The following ZNF611 variants were observed in gnomAD, a reference collection of about 807,000 sequenced individuals.
The protein encoded by ZNF611 is zinc finger protein 611.
Under a neutral mutation model 8.9 loss-of-function variants are expected in ZNF611, and 6 were observed. That is an observed-to-expected ratio of 0.68 (90% confidence interval 0.37 to 1.34). The LOEUF (loss-of-function observed/expected upper bound fraction) is 1.34. Ranked by LOEUF, ZNF611 falls within the 40% of genes most tolerant of loss-of-function variation. ZNF611 has a pLI of 0.02. For missense variants in ZNF611, 874 were observed against 841.3 expected, an observed-to-expected ratio of 1.04 and a Z score of -0.48; for synonymous variants, 262 against 279.7, an observed-to-expected ratio of 0.94 and a Z score of 0.63.
intron 3 of ZNF611, among the ~76,000 whole-genome samples, chr19:52,719,067 G>A (rs2062337039): frequency 6.6e-6 from 1 of 152,060 alleles, no homozygotes; most frequent in South Asian, 2.1e-4. Context: ...CTGCTTGGGA[G>A]GCTGAGGCAG....
At chr19:52,726,315 G>C (rs569992940) in intron 3 of ZNF611, among the ~76,000 whole-genome samples, 79 of 152,264 alleles carry the variant, frequency 5.2e-4, no homozygotes, top group Admixed American at 1.1e-3. Context: ...CGGGAGAATC[G>C]CTGAACCTGG....
At chr19:52,726,058 C>T (rs866160318) in intron 3 of ZNF611, among the ~76,000 whole-genome samples, 1 of 152,206 alleles carries the variant, frequency 6.6e-6, no homozygotes, top group Non-Finnish European at 1.5e-5. Context: ...CTGGGCGGAA[C>T]ATACGATTTC....
intron 1 of ZNF611, among the ~76,000 whole-genome samples, chr19:52,731,281 G>C (rs972484517): frequency 6.6e-6 from 1 of 152,162 alleles, no homozygotes; most frequent in African/African-American, 2.4e-5. Context: ...AGGCCAGGCT[G>C]GTCTCAAACT....
In ZNF611 at chr19:52,706,419, G is replaced by A. The variant is rs1293044343; in HGVS notation, c.636C>T (p.Pro212=). The A allele has an allele frequency of 6.2e-7, 1 of 1,614,028 alleles. No homozygotes were observed. Among genetic ancestry groups the A allele is most frequent in the Non-Finnish European group, 8.5e-7 (1 of 1,180,032 alleles). ...TTTGTGGGAGTAATGAAGAATTCAG[G>A]GGATTATTCCCATAGTTATTAGAAA... ...TQISNNYGNN[P]LNSSLLPQKQ... is the part of the protein sequence containing the mutation. The change falls in exon 6 of 6, where the codon CCC becomes CCT. Residue 212 remains proline, a synonymous_variant. Transcript: ENST00000652185.
intron 1 of ZNF611, among the ~76,000 whole-genome samples, chr19:52,734,187 G>GCTT: frequency 1.2e-5 from 1 of 84,666 alleles, no homozygotes; most frequent in Non-Finnish European, 2.4e-5. Flanking sequence ...GCTTTCTTAG[G>GCTT]TTTTTTTTTT....
chr19:52,727,843 C>T (rs1042621679), intron 3 of ZNF611, among the ~76,000 whole-genome samples: 1 of 150,944 alleles, frequency 6.6e-6, no homozygotes, highest in Non-Finnish European at 1.5e-5. Flanking sequence ...AAATTTGAAT[C>T]ATTTGATGTT....
At chr19:52,726,010 C>T (rs567845956) in intron 3 of ZNF611, among the ~76,000 whole-genome samples, 8 of 152,334 alleles carry the variant, frequency 5.3e-5, no homozygotes, top group African/African-American at 1.7e-4. Flanking sequence ...TTATCTGGAA[C>T]GGGAATGCAA....
intron 1 of ZNF611, among the ~76,000 whole-genome samples, chr19:52,730,426 A>G (rs2147449761): frequency 7.5e-6 from 1 of 133,710 alleles, no homozygotes; most frequent in East Asian, 2.2e-4. Context: ...AAAAAAAAAC[A>G]TGATGTAGGC....
At chr19:52,726,676 G>A (rs529632769) in intron 3 of ZNF611, among the ~76,000 whole-genome samples, 4 of 149,554 alleles carry the variant, frequency 2.7e-5, no homozygotes, top group East Asian at 2.0e-4. Context: ...CCTCAGCCTC[G>A]CAAAGTGCTG....
chr19:52,714,956 C>T (rs918647167), intron 4 of ZNF611, among the ~76,000 whole-genome samples: 5 of 152,002 alleles, frequency 3.3e-5, no homozygotes, highest in African/African-American at 1.2e-4. Context: ...CAAGATCGCA[C>T]CACTGCACTT....
intron 1 of ZNF611, among the ~76,000 whole-genome samples, chr19:52,731,037 A>G (rs2062422721): frequency 6.6e-6 from 1 of 152,016 alleles, no homozygotes; most frequent in Non-Finnish European, 1.5e-5. Context: ...ATGGGACTAC[A>G]GATGCATGCC....
rs980095007 is a variant in ZNF611, at chr19:52,704,476, T to A, written c.*461A>T. 5 of 823,612 alleles carry A rather than the reference T, an allele frequency of 6.1e-6. No homozygotes were observed. Among genetic ancestry groups the A allele is most frequent in the African/African-American group, 1.7e-5 (1 of 59,660 alleles). The allele number at this position is 823,612 out of a possible 1,614,324, so 51.0% of individuals were successfully genotyped here. A position where few individuals can be genotyped will look rare whatever the true frequency, so the allele number is the denominator to read the frequency against. On this transcript the variant is annotated 3_prime_UTR_variant, in exon 6 of 6. Transcript: ENST00000652185. The stretch of plus-strand genomic sequence containing the variant: ...TGTATAAATTCTCCTATGTTTTGCA[T>A]AGGATGAAGCTTGACTGAAGACCTT...
chr19:52,719,610 T>C (rs947637887), intron 3 of ZNF611, among the ~76,000 whole-genome samples: 2 of 152,212 alleles, frequency 1.3e-5, no homozygotes, highest in Admixed American at 6.5e-5. Context: ...TCACCGCTCA[T>C]CTGCACCCAG....
intron 3 of ZNF611, chr19:52,716,139 A>ACAC: frequency 2.0e-6 from 1 of 511,862 alleles, no homozygotes; most frequent in South Asian, 2.5e-5. Flanking sequence ...ACCACACACG[A>ACAC]GGCAGCAGTG....
chr19:52,723,946 C>T (rs2062375592), intron 3 of ZNF611: 1 of 152,248 alleles, frequency 6.6e-6, no homozygotes. Flanking sequence ...AGTATTGCCA[C>T]CAGCATGTCT....
At chr19:52,723,860 A>G (rs2062375268) in intron 3 of ZNF611, 2 of 152,244 alleles carry the variant, frequency 1.3e-5, no homozygotes, top group Non-Finnish European at 2.9e-5. Context: ...GTTTAAGGAA[A>G]GATGCTGTAC....
intron 4 of ZNF611, among the ~76,000 whole-genome samples, chr19:52,714,792 G>A (rs12981767): frequency 0.63 from 35,179 of 55,780 alleles, 14,689 homozygotes; most frequent in African/African-American, 0.87. Flanking sequence ...GTGGTCAAGA[G>A]ATTGAGACCA....
chr19:52,708,532 C>T (rs1206463960), intron 5 of ZNF611: 1 of 150,858 alleles, frequency 6.6e-6, no homozygotes, highest in East Asian at 2.0e-4. Context: ...TACACAGCAT[C>T]TTAAGAAATA....
At chr19:52,728,224 T>C (rs532253612) in intron 3 of ZNF611, among the ~76,000 whole-genome samples, 5 of 151,384 alleles carry the variant, frequency 3.3e-5, no homozygotes, top group Admixed American at 2.6e-4. Flanking sequence ...CCTGTCAAAG[T>C]GAGCTCCCAA....
Sources: gnomAD v4.1 joint callset for allele counts (sites outside exome capture counted in the v4.1 genomes callset) on GRCh38, gnomAD v4.1.1 for gene constraint, MANE v1.5 for transcripts, NCBI Gene and HGNC (gene_info 2026-07-23, HGNC 2026-07-21) for gene names.